Variants in ANXA3 observed in about 807,000 individuals in gnomAD.
The protein encoded by ANXA3 is 35-alpha calcimedin.
In ANXA3, 46 loss-of-function variants were observed where a neutral mutation model predicts 48.8. That is an observed-to-expected ratio of 0.94 (90% CI 0.74 to 1.21). The LOEUF is 1.21. Among genes scored for constraint, ANXA3 ranks in the 50% most tolerant of loss-of-function variants. The pLI is 0.00. For missense variants in ANXA3, 383 were observed against 378.6 expected, an observed-to-expected ratio of 1.01 and a Z score of -0.10; for synonymous variants, 128 against 134.7, an observed-to-expected ratio of 0.95 and a Z score of 0.35.
At chr4:78,567,461 A>G (rs1411985713) in intron 2 of ANXA3, among the ~76,000 whole-genome samples, 2 of 152,156 alleles carry the variant, frequency 1.3e-5, no homozygotes, top group Non-Finnish European at 1.5e-5. Flanking sequence ...CAGATTGACA[A>G]GAGAAAACCA....
chr4:78,580,136 A>G (rs1019099885), intron 4 of ANXA3, among the ~76,000 whole-genome samples: 1 of 152,222 alleles, frequency 6.6e-6, no homozygotes, highest in Non-Finnish European at 1.5e-5. Context: ...TAATTCAGAT[A>G]TGATAAGTGA....
chr4:78,586,265 G>A lies in ANXA3; in HGVS notation c.318G>A (p.Ala106=), dbSNP rs17003370. 2.4e-5 allele frequency: 38 copies of A among 1,612,768 alleles called. No homozygotes were observed. The South Asian group carries it at 2.9e-4, about 12-fold the overall frequency. ...AKQLKKSMKG[A]GTNEDALIEI... ...GATTTTCTTTTCCTTTTTAGGGCGCGGGAACAAACGAAGATGCCTTGATTG... is the reference window on the plus strand; with the variant it reads ...GATTTTCTTTTCCTTTTTAGGGCGCAGGAACAAACGAAGATGCCTTGATTG... Residue 106 remains alanine (A), a synonymous_variant, in exon 6 of 13, where the codon GCG becomes GCA. Coordinates refer to ENST00000264908, the MANE Select transcript of ANXA3 (RefSeq NM_005139.3).
At chr4:78,559,378 C>T (rs748327814) in intron 2 of ANXA3, among the ~76,000 whole-genome samples, 1 of 152,150 alleles carries the variant, frequency 6.6e-6, no homozygotes, top group Non-Finnish European at 1.5e-5. Context: ...CCACCACACC[C>T]AGTGGTGCTA....
chr4:78,597,178 T>G lies in ANXA3; in HGVS notation c.635-141T>G, dbSNP rs371527894. On this transcript the variant is annotated intron_variant, in intron 9 of 12. Coordinates refer to ENST00000264908, the MANE Select transcript of ANXA3 (RefSeq NM_005139.3). ...AAGGAACAAAAGAAAAACAAAAACT[T>G]CTGTGCCCAGATTTTCATGGTTTAA... 24 of 605,902 alleles carry G rather than the reference T, an allele frequency of 4.0e-5. 1 individual carries two copies. The highest frequency in any genetic ancestry group is 7.7e-5 in the African/African-American group (4 of 51,796). The allele number at this position is 605,902 out of a possible 1,614,324, so 37.5% of individuals were successfully genotyped here.
intron 11 of ANXA3, chr4:78,602,254 A>AG (rs1560451769): frequency 3.3e-5 from 5 of 152,030 alleles, no homozygotes; most frequent in Non-Finnish European, 7.4e-5. Context: ...AAAAAAAAAA[A>AG]AAAAGAAAAT....
intron 2 of ANXA3, among the ~76,000 whole-genome samples, chr4:78,560,605 A>G (rs779664492): frequency 6.6e-5 from 10 of 152,234 alleles, no homozygotes; most frequent in Non-Finnish European, 1.0e-4. Flanking sequence ...GTAGACACGA[A>G]TGATTGATTA....
intron 5 of ANXA3, among the ~76,000 whole-genome samples, chr4:78,583,451 G>T (rs556619061): frequency 6.6e-6 from 1 of 151,354 alleles, no homozygotes; most frequent in Non-Finnish European, 1.5e-5. Context: ...GTGAGAACTT[G>T]TCTCTACAAA....
At chr4:78,579,931 C>A (rs187989325) in intron 4 of ANXA3, among the ~76,000 whole-genome samples, 1,572 of 152,094 alleles carry the variant, frequency 0.01, 12 homozygotes, top group African/African-American at 0.024. Flanking sequence ...TCTCAAAAAA[C>A]AAAATAAAAA....
intron 3 of ANXA3, among the ~76,000 whole-genome samples, chr4:78,578,286 G>GGA (rs1553900181): frequency 1.2e-5 from 1 of 81,182 alleles, no homozygotes; most frequent in Non-Finnish European, 2.6e-5. Context: ...AGGGCGAAGG[G>GGA]GAGAGAGAGA....
At chr4:78,607,756 A>C (rs1723681058) in intron 12 of ANXA3, among the ~76,000 whole-genome samples, 1 of 152,196 alleles carries the variant, frequency 6.6e-6, no homozygotes, top group Non-Finnish European at 1.5e-5. Flanking sequence ...TACTATCGGA[A>C]TTGAGAAGAA....
intron 5 of ANXA3, among the ~76,000 whole-genome samples, chr4:78,582,982 A>G (rs936646467): frequency 6.6e-6 from 1 of 152,128 alleles, no homozygotes; most frequent in Admixed American, 6.6e-5. Flanking sequence ...TTAAAATTCT[A>G]TTTATATCAG....
intron 12 of ANXA3, 119 bp downstream of exon 12, chr4:78,604,518 AT>A: frequency 2.4e-6 from 2 of 826,918 alleles, no homozygotes; most frequent in South Asian, 5.2e-5. Flanking sequence ...TTGTCAATGT[AT>A]AAATGTGTTG....
intron 6 of ANXA3, 34 bp from the exon 7 acceptor site, chr4:78,591,510 G>A (rs765010057): frequency 2.7e-5 from 40 of 1,456,098 alleles, no homozygotes; most frequent in Non-Finnish European, 3.2e-5. Flanking sequence ...TTTTCAGTTT[G>A]TCAAGGCTTA....
chr4:78,591,060 C>T (rs1723284289), intron 6 of ANXA3, among the ~76,000 whole-genome samples: 1 of 152,170 alleles, frequency 6.6e-6, no homozygotes, highest in Non-Finnish European at 1.5e-5. Context: ...ATGGCCTCAT[C>T]CCTTTAAGGA....
chr4:78,571,537 TA>T (rs1215443557), intron 2 of ANXA3, among the ~76,000 whole-genome samples: 9 of 152,220 alleles, frequency 5.9e-5, no homozygotes, highest in African/African-American at 2.2e-4. Flanking sequence ...ATGTGACAGA[TA>T]ATGTCCTTTC....
chr4:78,607,694 A>G (rs1008299023), intron 12 of ANXA3, among the ~76,000 whole-genome samples: 17 of 152,244 alleles, frequency 1.1e-4, no homozygotes, highest in Non-Finnish European at 2.5e-4. Context: ...ATTAGAAGAT[A>G]ATAATTGAAA....
rs552232757 is a variant in ANXA3, at chr4:78,580,216, A to G, written c.198+1095A>G. 4.0e-4 allele frequency among the ~76,000 whole-genome samples: 61 copies of G among 152,346 alleles called. No individual in the cohort carries two copies. In the South Asian group the frequency reaches 0.012, roughly 31 times the overall value. ...ACTGGCTCCTGCAGATAGAGTGATG[A>G]AGGAATGTCAGTGAGGGGTTGTTAC... On this transcript the variant is annotated intron_variant, in intron 4 of 12. Transcript: ENST00000264908.
chr4:78,595,765 T>C, intron 8 of ANXA3, 29 bp from the exon 9 acceptor site: 1 of 1,384,144 alleles, frequency 7.2e-7, no homozygotes, highest in Non-Finnish European at 1.0e-6. Flanking sequence ...AAAATAATTG[T>C]GTCTCTAATA....
chr4:78,605,736 T>C (rs1723633545), intron 12 of ANXA3, among the ~76,000 whole-genome samples: 1 of 152,220 alleles, frequency 6.6e-6, no homozygotes, highest in Non-Finnish European at 1.5e-5. Context: ...ATTTTCATTG[T>C]TTTCAGATCT....
Sources: gnomAD v4.1 joint callset for allele counts (sites outside exome capture counted in the v4.1 genomes callset) on GRCh38, gnomAD v4.1.1 for gene constraint, MANE v1.5 for transcripts, NCBI Gene and HGNC (gene_info 2026-07-23, HGNC 2026-07-21) for gene names.